Variants in PDZRN3 observed in about 807,000 individuals in gnomAD.
PDZRN3 encodes E3 ubiquitin-protein ligase PDZRN3.
Under a neutral mutation model 85.7 loss-of-function variants are expected in PDZRN3, and 38 were observed. The observed-to-expected ratio is 0.44, with a 90% confidence interval of 0.34 to 0.58. The LOEUF (loss-of-function observed/expected upper bound fraction) is 0.58. Ranked by LOEUF, PDZRN3 falls within the 20% of genes least tolerant of loss-of-function variation. The probability of loss-of-function intolerance (pLI) is 0.01; values close to 1 mark genes in which losing one functional copy is unlikely to be tolerated. For missense variants in PDZRN3, 1,629 were observed against 1,506.4 expected (o/e 1.08, Z -1.35); for synonymous variants, 759 against 638.0 (o/e 1.19, Z -2.86).
intron 3 of PDZRN3, among the ~76,000 whole-genome samples, chr3:73,451,162 T>G (rs1057095780): frequency 6.6e-6 from 1 of 152,162 alleles, no homozygotes; most frequent in Non-Finnish European, 1.5e-5. Context: ...CTGCAAATAC[T>G]TCTTCCGGGT....
At chr3:73,586,036 T>C (rs573817110) in intron 3 of PDZRN3, among the ~76,000 whole-genome samples, 1 of 152,350 alleles carries the variant, frequency 6.6e-6, no homozygotes, top group South Asian at 2.1e-4. Context: ...AATTCATAAA[T>C]GCAGATTTTT....
intron 3 of PDZRN3, among the ~76,000 whole-genome samples, chr3:73,457,234 G>C (rs985310196): frequency 3.3e-5 from 5 of 151,958 alleles, no homozygotes; most frequent in African/African-American, 1.2e-4. Context: ...CACCATGCCC[G>C]GCTAATTTTT....
intron 3 of PDZRN3, among the ~76,000 whole-genome samples, chr3:73,453,970 C>T (rs1035942511): frequency 7.2e-5 from 11 of 152,162 alleles, no homozygotes; most frequent in African/African-American, 1.7e-4. Flanking sequence ...AAATCAACAA[C>T]CAAAGTGGCC....
At chr3:73,501,898 C>A (rs1265415813) in intron 3 of PDZRN3, among the ~76,000 whole-genome samples, 1 of 152,182 alleles carries the variant, frequency 6.6e-6, no homozygotes, top group African/African-American at 2.4e-5. Flanking sequence ...CACCTGTAAT[C>A]CCAGCTACTC....
intron 3 of PDZRN3, among the ~76,000 whole-genome samples, chr3:73,495,702 T>C (rs926086904): frequency 5.5e-5 from 6 of 108,230 alleles, no homozygotes; most frequent in Non-Finnish European, 1.5e-4. Flanking sequence ...TCTCTAGGAC[T>C]GATTTATGCT....
At chr3:73,404,478 G>A in intron 3 of PDZRN3, 83 bp from the exon 4 acceptor site, 4 of 1,412,398 alleles carry the variant, frequency 2.8e-6, no homozygotes, top group South Asian at 2.7e-5. Context: ...CTGCTTTCAT[G>A]TGTAAGCAGC....
intron 3 of PDZRN3, among the ~76,000 whole-genome samples, chr3:73,507,773 G>C (rs1467741509): frequency 1.3e-5 from 2 of 152,112 alleles, no homozygotes; most frequent in Non-Finnish European, 2.9e-5. Flanking sequence ...ATTGGCAATT[G>C]TAAGTCAGAC....
chr3:73,385,815 TAG>T, intron 8 of PDZRN3, 30 bp from the exon 9 acceptor site: 1 of 1,231,768 alleles, frequency 8.1e-7, no homozygotes, highest in Non-Finnish European at 1.2e-6. Context: ...ACACATGCCT[TAG>T]AAGTTTCCTT....
Position 73,413,382 on chromosome 3 carries a change from A to G in PDZRN3, c.919-8987T>C, listed in dbSNP as rs139119475. Among the ~76,000 whole-genome samples, 3 of 152,320 alleles carry G rather than the reference A, an allele frequency of 2.0e-5. No individual in the cohort carries two copies. In the East Asian group the frequency reaches 5.8e-4, roughly 29 times the overall value. On this transcript the variant is annotated intron_variant, in intron 3 of 9. Coordinates refer to ENST00000263666, the MANE Select transcript of PDZRN3 (RefSeq NM_015009.3). ...TGCAGTCATGTCTATGGGAGGAGCC[A>G]TTTCAAGGATATGACACTGAACGCC...
chr3:73,439,962 T>C (rs1229286809), intron 3 of PDZRN3, among the ~76,000 whole-genome samples: 1 of 152,128 alleles, frequency 6.6e-6, no homozygotes, highest in Admixed American at 6.5e-5. Context: ...GGTCTTGAAC[T>C]CCTGACCTCA....
At chr3:73,525,669 G>A (rs773998908) in intron 3 of PDZRN3, among the ~76,000 whole-genome samples, 1 of 152,172 alleles carries the variant, frequency 6.6e-6, no homozygotes, top group Non-Finnish European at 1.5e-5. Flanking sequence ...CTTTAGTTGA[G>A]CCCCTGGTAT....
At chr3:73,493,394 A>G (rs940835917) in intron 3 of PDZRN3, among the ~76,000 whole-genome samples, 1 of 152,194 alleles carries the variant, frequency 6.6e-6, no homozygotes, top group Non-Finnish European at 1.5e-5. Flanking sequence ...CACGGTGACC[A>G]TGAACTGTAA....
chr3:73,423,887 G>A (rs1473571612), intron 3 of PDZRN3, among the ~76,000 whole-genome samples: 4 of 152,016 alleles, frequency 2.6e-5, no homozygotes, highest in East Asian at 1.9e-4. Flanking sequence ...TAAGATACAC[G>A]TATGGAATTA....
intron 1 of PDZRN3, among the ~76,000 whole-genome samples, chr3:73,620,581 GT>G (rs10650658): frequency 2.9e-4 from 40 of 139,790 alleles, no homozygotes; most frequent in South Asian, 1.6e-3. Context: ...GGTTTTTTTT[GT>G]TTTTTTTTTT....
chr3:73,476,030 A>C (rs1043835451), intron 3 of PDZRN3, among the ~76,000 whole-genome samples: 1 of 152,154 alleles, frequency 6.6e-6, no homozygotes, highest in Non-Finnish European at 1.5e-5. Flanking sequence ...ATGGTTTTGG[A>C]ATGTGATTTA....
At chr3:73,562,996 TATATA>T (rs1701856338) in intron 3 of PDZRN3, among the ~76,000 whole-genome samples, 1 of 30,438 alleles carries the variant, frequency 3.3e-5, no homozygotes, top group African/African-American at 1.4e-4. Context: ...TATATATATA[TATATA>T]TATATATATA....
intron 3 of PDZRN3, among the ~76,000 whole-genome samples, chr3:73,458,758 G>T (rs1281086141): frequency 6.6e-6 from 1 of 151,814 alleles, no homozygotes; most frequent in Non-Finnish European, 1.5e-5. Context: ...TTGGGAGGCT[G>T]AGACAGGTAG....
intron 3 of PDZRN3, among the ~76,000 whole-genome samples, chr3:73,438,495 A>C (rs1702573191): frequency 2.0e-5 from 3 of 152,198 alleles, no homozygotes; most frequent in Admixed American, 2.0e-4. Flanking sequence ...AGCCATATAG[A>C]CTTCTGGAAG....
intron 7 of PDZRN3, 107 bp from the exon 8 acceptor site, chr3:73,388,176 CAGTT>C (rs1431199544): frequency 4.9e-6 from 3 of 612,880 alleles, no homozygotes; most frequent in Admixed American, 2.9e-5. Context: ...CACCCACTCA[CAGTT>C]AGAACATACA....
Sources: gnomAD v4.1 joint callset for allele counts (sites outside exome capture counted in the v4.1 genomes callset) on GRCh38, gnomAD v4.1.1 for gene constraint, MANE v1.5 for transcripts, NCBI Gene and HGNC (gene_info 2026-07-23, HGNC 2026-07-21) for gene names.